The following UNC5C variants were observed in gnomAD, a reference collection of about 807,000 sequenced individuals.
UNC5C encodes netrin receptor UNC5C.
UNC5C carries 47 observed loss-of-function variants against 99.8 expected under a neutral mutation model. The ratio of observed to expected loss-of-function variants is 0.47; its 90% CI spans 0.37 to 0.60. The LOEUF (loss-of-function observed/expected upper bound fraction) is 0.60, where lower values mean the gene tolerates loss of function less well. Ranked by LOEUF, UNC5C falls within the 20% of genes least tolerant of loss-of-function variation. The pLI, the probability that UNC5C is intolerant of heterozygous loss-of-function variation, is 0.00. For missense variants in UNC5C, 1,062 were observed against 1,165.9 expected (o/e 0.91, Z 1.30); for synonymous variants, 487 against 452.2 (o/e 1.08, Z -0.98).
chr4:95,529,757 A>T (rs1187666747), intron 1 of UNC5C, among the ~76,000 whole-genome samples: 1 of 152,130 alleles, frequency 6.6e-6, no homozygotes, highest in African/African-American at 2.4e-5. Context: ...AAATTAATTT[A>T]AAAATTCCCT....
chr4:95,270,170 C>CT (rs1373312184), intron 4 of UNC5C, among the ~76,000 whole-genome samples: 1 of 152,128 alleles, frequency 6.6e-6, no homozygotes, highest in South Asian at 2.1e-4. Context: ...CTTGTAGGTG[C>CT]TTTAAACAAT....
chr4:95,210,184 A>G (rs976374912), intron 10 of UNC5C, among the ~76,000 whole-genome samples: 3 of 152,134 alleles, frequency 2.0e-5, no homozygotes, highest in African/African-American at 7.2e-5. Flanking sequence ...AGGGATAGCA[A>G]GGGAAGGAGG....
At chr4:95,470,024 C>G (rs1028817182) in intron 1 of UNC5C, among the ~76,000 whole-genome samples, 1 of 151,974 alleles carries the variant, frequency 6.6e-6, no homozygotes, top group Non-Finnish European at 1.5e-5. Context: ...TCTTTATGTT[C>G]GTTTACATTT....
chr4:95,266,610 C>A (rs957737223), intron 4 of UNC5C, among the ~76,000 whole-genome samples: 1 of 152,116 alleles, frequency 6.6e-6, no homozygotes, highest in African/African-American at 2.4e-5. Flanking sequence ...ATAGTCAGAA[C>A]CATTGGCTGC....
chr4:95,219,053 T>G lies in UNC5C; in HGVS notation c.1561A>C (p.Ser521Arg), dbSNP rs1379773409. Residue 521 changes from serine to arginine, a missense_variant, in exon 9 of 16, where the codon AGT becomes CGT. Coordinates refer to ENST00000453304, the MANE Select transcript of UNC5C (RefSeq NM_003728.4). Reference sequence around the variant, plus strand: ...GATGGATCAGTCTGCCTTGCTAGACTCTGGTTCTTCAGGCTGAGGGCTTCA... The same window carrying G: ...GATGGATCAGTCTGCCTTGCTAGACGCTGGTTCTTCAGGCTGAGGGCTTCA... ...ENEALSLKNQ[S>R]LARQTDPSCT... 2 of 1,614,160 alleles carry G rather than the reference T, an allele frequency of 1.2e-6. No homozygotes were observed. The highest frequency in any genetic ancestry group is 1.7e-6 in the Non-Finnish European group (2 of 1,180,016).
chr4:95,548,861 A>G lies in UNC5C; in HGVS notation c.-4T>C. On this transcript the variant is annotated 5_prime_UTR_variant, in exon 1 of 16. Transcript: ENST00000453304. The stretch of plus-strand genomic sequence containing the variant: ...TCGCCCGCAGACCTTTCCTCATCGT[A>G]GACAGAGGTGTGCCGGGGGGAGGGG... The G allele has an allele frequency of 6.2e-7, 1 of 1,612,528 alleles. No homozygotes were observed. The highest frequency in any genetic ancestry group is 1.1e-5 in the South Asian group (1 of 91,018).
At chr4:95,343,264 A>G (rs1451450315) in intron 1 of UNC5C, among the ~76,000 whole-genome samples, 1 of 152,170 alleles carries the variant, frequency 6.6e-6, no homozygotes, top group Non-Finnish European at 1.5e-5. Flanking sequence ...GGGTAGAGAC[A>G]GGGATGCTTA....
At chr4:95,223,911 G>T (rs771820468) in intron 7 of UNC5C, among the ~76,000 whole-genome samples, 2 of 152,154 alleles carry the variant, frequency 1.3e-5, no homozygotes, top group Non-Finnish European at 2.9e-5. Flanking sequence ...ACTTATTTTT[G>T]CAGGTAAGAG....
chr4:95,528,533 C>T (rs1241166426), intron 1 of UNC5C, among the ~76,000 whole-genome samples: 3 of 152,156 alleles, frequency 2.0e-5, no homozygotes, highest in Non-Finnish European at 4.4e-5. Context: ...AAGGAGACAA[C>T]AAATGTGCAC....
intron 1 of UNC5C, among the ~76,000 whole-genome samples, chr4:95,386,130 T>C (rs570912066): frequency 1.3e-5 from 2 of 152,312 alleles, no homozygotes; most frequent in East Asian, 3.9e-4. Context: ...TTTTCTAATG[T>C]TTCTCCCATC....
intron 7 of UNC5C, among the ~76,000 whole-genome samples, chr4:95,234,122 CTT>C (rs541948862): frequency 6.2e-4 from 94 of 152,246 alleles, no homozygotes; most frequent in Non-Finnish European, 8.1e-4. Flanking sequence ...GTCTCTCTCT[CTT>C]GTCATAACCA....
At chr4:95,405,440 A>G (rs1269217939) in intron 1 of UNC5C, among the ~76,000 whole-genome samples, 1 of 152,180 alleles carries the variant, frequency 6.6e-6, no homozygotes, top group African/African-American at 2.4e-5. Flanking sequence ...GCTCTATGAG[A>G]CAGTTAGTCT....
At chr4:95,184,676 C>T (rs1049823133) in intron 13 of UNC5C, among the ~76,000 whole-genome samples, 1 of 152,164 alleles carries the variant, frequency 6.6e-6, no homozygotes, top group Non-Finnish European at 1.5e-5. Context: ...CCTAGGAAGG[C>T]TGAAGCCTAA....
chr4:95,399,732 T>C (rs914463391), intron 1 of UNC5C, among the ~76,000 whole-genome samples: 3 of 152,246 alleles, frequency 2.0e-5, no homozygotes, highest in Non-Finnish European at 2.9e-5. Flanking sequence ...CATGCCCTGA[T>C]CACCAACTTC....
At chr4:95,447,142 T>C (rs995096271) in intron 1 of UNC5C, among the ~76,000 whole-genome samples, 3 of 152,330 alleles carry the variant, frequency 2.0e-5, no homozygotes, top group Non-Finnish European at 2.9e-5. Flanking sequence ...GAATCTATTT[T>C]GTCTAGTAAA....
intron 1 of UNC5C, among the ~76,000 whole-genome samples, chr4:95,492,890 A>AT (rs1449627542): frequency 6.6e-6 from 1 of 151,534 alleles, no homozygotes; most frequent in African/African-American, 2.4e-5. Context: ...AAAGATTCCT[A>AT]TTTGTTAATA....
chr4:95,411,497 T>C (rs1158540041), intron 1 of UNC5C, among the ~76,000 whole-genome samples: 2 of 152,232 alleles, frequency 1.3e-5, no homozygotes, highest in Non-Finnish European at 2.9e-5. Flanking sequence ...CTGCAGGAAA[T>C]AGTAACTCTC....
In UNC5C at chr4:95,474,536, C is replaced by A. The variant is rs192352134; in HGVS notation, c.124+74198G>T. Among the ~76,000 whole-genome samples the A allele has an allele frequency of 3.0e-4, 46 of 152,146 alleles. No individual in the cohort carries two copies. In the East Asian group the frequency reaches 3.1e-3, roughly 10 times the overall value. On this transcript the variant is annotated intron_variant, in intron 1 of 15. Coordinates refer to ENST00000453304, the MANE Select transcript of UNC5C (RefSeq NM_003728.4). ...AACTCCTGACCTCAGGTGATCTACG[C>A]CTCGGCCTCCCAAAGTGCTAGGATT...
chr4:95,226,882 G>A (rs1290525610), intron 7 of UNC5C, among the ~76,000 whole-genome samples: 1 of 152,022 alleles, frequency 6.6e-6, no homozygotes, highest in Non-Finnish European at 1.5e-5. Context: ...GTGAGTGGAG[G>A]CCAAGGATAT....
Sources: allele counts gnomAD v4.1 joint callset (sites outside exome capture counted in the v4.1 genomes callset), GRCh38; gene constraint gnomAD v4.1.1; transcripts MANE v1.5; gene names NCBI Gene and HGNC (gene_info 2026-07-23, HGNC 2026-07-21).